Variants in KCNH1 observed in about 807,000 individuals in gnomAD.
KCNH1 encodes voltage-gated delayed rectifier potassium channel KCNH1.
A neutral mutation model predicts 69.2 loss-of-function variants in KCNH1; 27 were observed. That is an observed-to-expected ratio of 0.39 (90% CI 0.29 to 0.54). KCNH1 has a LOEUF of 0.54. Ranked by LOEUF, KCNH1 falls within the 20% of genes least tolerant of loss-of-function variation. The pLI is 0.68. For synonymous variants in KCNH1, 456 were observed against 487.7 expected, an observed-to-expected ratio of 0.93 and a Z score of 0.86; for missense variants, 798 against 1,261.6, an observed-to-expected ratio of 0.63 and a Z score of 5.57.
At chr1:210,795,495 A>G (rs1376963795) in intron 9 of KCNH1, among the ~76,000 whole-genome samples, 5 of 152,088 alleles carry the variant, frequency 3.3e-5, no homozygotes, top group Admixed American at 2.0e-4. Context: ...CTGCCAGTGT[A>G]TGCTGAAGGA....
At chr1:211,115,457 A>G (rs1050225907) in intron 1 of KCNH1, among the ~76,000 whole-genome samples, 1 of 151,992 alleles carries the variant, frequency 6.6e-6, no homozygotes, top group African/African-American at 2.4e-5. Context: ...CCCACCCTTA[A>G]TCTGGTGGGC....
intron 5 of KCNH1, among the ~76,000 whole-genome samples, chr1:211,022,040 A>T (rs946980364): frequency 6.6e-6 from 1 of 152,198 alleles, no homozygotes; most frequent in Admixed American, 6.5e-5. Flanking sequence ...CAAAAAGAAC[A>T]AAACTAGAGG....
At chr1:211,000,419 T>A (rs1465351450) in intron 6 of KCNH1, among the ~76,000 whole-genome samples, 2 of 152,068 alleles carry the variant, frequency 1.3e-5, no homozygotes, top group Non-Finnish European at 2.9e-5. Context: ...CACAATTGCT[T>A]CAAAGAGAAT....
At chr1:210,776,891 C>T (rs753445221) in intron 9 of KCNH1, among the ~76,000 whole-genome samples, 1 of 152,166 alleles carries the variant, frequency 6.6e-6, no homozygotes, top group Non-Finnish European at 1.5e-5. Context: ...AATGCAAAGC[C>T]TAATTCATTT....
At chr1:210,808,611 G>T (rs1684635424) in intron 7 of KCNH1, among the ~76,000 whole-genome samples, 1 of 151,610 alleles carries the variant, frequency 6.6e-6, no homozygotes, top group African/African-American at 2.4e-5. Context: ...GCCCAGGCTG[G>T]TCTCGAACTC....
chr1:210,969,632 C>T (rs1231404240), intron 6 of KCNH1, among the ~76,000 whole-genome samples: 1 of 152,010 alleles, frequency 6.6e-6, no homozygotes, highest in Non-Finnish European at 1.5e-5. Context: ...TTGATTTAGG[C>T]CTAACGTTGT....
At chr1:211,031,595 G>A (rs966438706) in intron 5 of KCNH1, among the ~76,000 whole-genome samples, 3 of 152,106 alleles carry the variant, frequency 2.0e-5, no homozygotes, top group African/African-American at 7.2e-5. Context: ...GGAATGCAAG[G>A]CGGGTTCAAC....
intron 7 of KCNH1, among the ~76,000 whole-genome samples, chr1:210,837,444 C>G (rs1279247526): frequency 6.6e-6 from 1 of 152,164 alleles, no homozygotes; most frequent in Non-Finnish European, 1.5e-5. Flanking sequence ...AGTGCAGTAC[C>G]TGGCACATAA....
intron 5 of KCNH1, among the ~76,000 whole-genome samples, chr1:211,054,643 G>C (rs1036606278): frequency 6.6e-6 from 1 of 152,124 alleles, no homozygotes; most frequent in African/African-American, 2.4e-5. Context: ...CAGTACTTTA[G>C]AGTTAAAATA....
chr1:210,798,532 C>A (rs1051761513), intron 8 of KCNH1, among the ~76,000 whole-genome samples: 4 of 152,142 alleles, frequency 2.6e-5, no homozygotes, highest in South Asian at 2.1e-4. Flanking sequence ...GTGTAATAAG[C>A]CTTGGGTTTT....
At chr1:210,711,647 C>T (rs143497548) in intron 10 of KCNH1, among the ~76,000 whole-genome samples, 1 of 152,342 alleles carries the variant, frequency 6.6e-6, no homozygotes, top group East Asian at 1.9e-4. Context: ...GGGTGTCCCT[C>T]TCTTCTACCC....
intron 6 of KCNH1, among the ~76,000 whole-genome samples, chr1:210,996,428 G>C (rs537101706): frequency 1.3e-5 from 2 of 152,340 alleles, no homozygotes; most frequent in South Asian, 4.1e-4. Flanking sequence ...TGGCAGCGAG[G>C]CTGGGGGAGG....
At chr1:210,692,654 A>G (rs35063670) in intron 10 of KCNH1, among the ~76,000 whole-genome samples, 14,380 of 152,254 alleles carry the variant, frequency 0.094, 749 homozygotes, top group Middle Eastern at 0.15. Context: ...GATGAATGTC[A>G]TTACAAGAGA....
chr1:210,808,585 A>G (rs1684634985), intron 7 of KCNH1, among the ~76,000 whole-genome samples: 1 of 151,876 alleles, frequency 6.6e-6, no homozygotes, highest in Non-Finnish European at 1.5e-5. Flanking sequence ...AAATAGCGAC[A>G]TGTTCTCACA....
intron 7 of KCNH1, among the ~76,000 whole-genome samples, chr1:210,818,631 CAT>C (rs1184598862): frequency 2.6e-5 from 4 of 152,148 alleles, no homozygotes; most frequent in African/African-American, 9.7e-5. Context: ...GTGTTCAACA[CAT>C]GTCAGTTTTT....
chr1:211,028,302 C>A (rs1689720192), intron 5 of KCNH1, among the ~76,000 whole-genome samples: 1 of 151,890 alleles, frequency 6.6e-6, no homozygotes, highest in African/African-American at 2.4e-5. Context: ...AAGTGGGATA[C>A]TGTTAAAGTA....
chr1:210,750,865 G>C (rs183020831), intron 10 of KCNH1, among the ~76,000 whole-genome samples: 1,556 of 152,084 alleles, frequency 0.01, 12 homozygotes, highest in South Asian at 0.018. Flanking sequence ...AAATATGAGA[G>C]CTCATCTAAT....
At chr1:210,710,792 AG>A (rs1253169199) in intron 10 of KCNH1, among the ~76,000 whole-genome samples, 2 of 141,296 alleles carry the variant, frequency 1.4e-5, no homozygotes, top group Non-Finnish European at 3.0e-5. Context: ...GTGCTCAAAT[AG>A]TGAATTCAAC....
At chr1:210,765,647 A>C (rs1683614396) in intron 10 of KCNH1, among the ~76,000 whole-genome samples, 1 of 152,166 alleles carries the variant, frequency 6.6e-6, no homozygotes, top group Admixed American at 6.5e-5. Context: ...CTCTACAATC[A>C]GGGCCTGGGG....
Sources: allele counts gnomAD v4.1 joint callset (sites outside exome capture counted in the v4.1 genomes callset), GRCh38; gene constraint gnomAD v4.1.1; transcripts MANE v1.5; gene names NCBI Gene and HGNC (gene_info 2026-07-23, HGNC 2026-07-21).